CSPG5: variants seen among roughly 807,000 people sequenced by gnomAD.
The protein encoded by CSPG5 is chondroitin sulfate proteoglycan 5.
CSPG5 carries 25 observed loss-of-function variants against 39.8 expected under a neutral mutation model. That is an observed-to-expected ratio of 0.63 (90% confidence interval 0.46 to 0.88). The LOEUF is 0.88. Ranked by LOEUF, CSPG5 falls within the 40% of genes least tolerant of loss-of-function variation. The probability of loss-of-function intolerance (pLI) is 0.00; values close to 1 mark genes in which losing one functional copy is unlikely to be tolerated. For synonymous variants in CSPG5, 295 were observed against 303.9 expected, an observed-to-expected ratio of 0.97 and a Z score of 0.31; for missense variants, 627 against 702.2, an observed-to-expected ratio of 0.89 and a Z score of 1.21.
Position 47,576,904 on chromosome 3 carries a change from G to A in CSPG5, c.1122C>T (p.Cys374=). The change falls in exon 2 of 5, where the codon TGC becomes TGT. Residue 374 remains cysteine (C), a synonymous_variant. Coordinates refer to ENST00000264723, the MANE Select transcript of CSPG5 (RefSeq NM_006574.4). ...TGTGACAGTAACTTGGGAAGAGGTCGCACACTGACCGGCAGGAGCCGTTAT... is the reference window on the plus strand; with the variant it reads ...TGTGACAGTAACTTGGGAAGAGGTCACACACTGACCGGCAGGAGCCGTTAT... ...VRHNGSCRSV[C]DLFPSYCHNG... is the part of the protein sequence containing the mutation. The A allele has an allele frequency of 1.2e-6, 2 of 1,606,828 alleles. No individual in the cohort carries two copies. Among genetic ancestry groups the A allele is most frequent in the South Asian group, 1.1e-5 (1 of 90,070 alleles).
intron 2 of CSPG5, 124 bp downstream of exon 2, chr3:47,576,709 C>T (rs1019049364): frequency 8.8e-7 from 1 of 1,137,938 alleles, no homozygotes. Context: ...ATCCGCCTGC[C>T]TCAGCCTCCC....
Position 47,562,698 on chromosome 3 carries a change from A to C in CSPG5, c.1522T>G (p.Ser508Ala). The change falls in exon 5 of 5, where the codon TCA becomes GCA. Residue 508 changes from serine to alanine, a missense_variant. Ser to Ala is a moderately conservative substitution (Grantham distance 99, BLOSUM62 1). Coordinates refer to ENST00000264723, the MANE Select transcript of CSPG5 (RefSeq NM_006574.4). ...VLKSCLKEEE[S>A]FNIQNSMSPK... is the part of the protein sequence containing the mutation. The stretch of plus-strand genomic sequence containing the variant: ...GACATGGAGTTCTGGATGTTAAATG[A>C]CTCCTCCTCTTTCAGGCAGGACTTG... 1.2e-6 allele frequency: 2 copies of C among 1,612,718 alleles called. No individual in the cohort carries two copies. The highest frequency in any genetic ancestry group is 1.7e-6 in the Non-Finnish European group (2 of 1,179,736).
intron 3 of CSPG5, among the ~76,000 whole-genome samples, chr3:47,570,188 G>A (rs535031395): frequency 5.1e-4 from 77 of 151,942 alleles, no homozygotes; most frequent in Admixed American, 3.8e-3. Context: ...CTATCAACCC[G>A]TCATCTAGGT....
chr3:47,569,228 C>T lies in CSPG5; in HGVS notation c.1383-1G>A. ...GAGCTCAGATGGGGTCCGGAATTTG[C>T]TGGTTAGGAGAGAAGAGTGAAGGAA... On this transcript the variant is annotated splice_acceptor_variant, in intron 3 of 4. Coordinates refer to ENST00000264723, the MANE Select transcript of CSPG5 (RefSeq NM_006574.4). LOFTEE classifies it high-confidence loss of function. 6.2e-7 allele frequency: 1 copy of T among 1,613,294 alleles called. No homozygotes were observed. Among genetic ancestry groups the T allele is most frequent in the Non-Finnish European group, 8.5e-7 (1 of 1,179,548 alleles).
At chr3:47,576,739 C>T (rs1475100864) in intron 2 of CSPG5, 94 bp downstream of exon 2, 14 of 1,389,594 alleles carry the variant, frequency 1.0e-5, no homozygotes, top group African/African-American at 4.3e-5. Context: ...GGATTACAGG[C>T]GTGAGCCAAC....
At chr3:47,567,876 G>A (rs561547096) in intron 4 of CSPG5, among the ~76,000 whole-genome samples, 40 of 152,334 alleles carry the variant, frequency 2.6e-4, no homozygotes, top group African/African-American at 8.9e-4. Context: ...GCCAGGTGTG[G>A]TGGCACATGC....
chr3:47,567,164 G>A, intron 4 of CSPG5, among the ~76,000 whole-genome samples: 1 of 152,124 alleles, frequency 6.6e-6, no homozygotes, highest in Admixed American at 6.6e-5. Context: ...CTTTCCTAAG[G>A]ATGCTTGCAC....
At position 47,577,125 on chromosome 3, in the gene CSPG5, G is replaced by A. The variant is rs1433455666; in HGVS notation, c.901C>T (p.Leu301=). 2 of 1,613,880 alleles carry A rather than the reference G, an allele frequency of 1.2e-6. No individual in the cohort carries two copies. Among genetic ancestry groups the A allele is most frequent in the Non-Finnish European group, 1.7e-6 (2 of 1,180,022 alleles). Residue 301 remains leucine, a synonymous_variant, in exon 2 of 5, where the codon CTA becomes TTA. Coordinates refer to ENST00000264723, the MANE Select transcript of CSPG5 (RefSeq NM_006574.4). The surrounding 1 kb of genome is among the most constrained non-coding windows in gnomAD (Gnocchi z 4.7). ...AGACCAGGCTTCCCAGTGGGCACTA[G>A]AAGCTCATTTTCATCTTCTAGGTCT... The part of the protein sequence containing the change: ...GGDLEDENEL[L]VPTGKPGLGP...
At position 47,569,243 on chromosome 3, in the gene CSPG5, G is replaced by A. The variant is rs754111799; in HGVS notation, c.1383-16C>T. The A allele has an allele frequency of 6.2e-7, 1 of 1,611,668 alleles. No homozygotes were observed. The highest frequency in any genetic ancestry group is 1.7e-5 in the Admixed American group (1 of 59,934). On this transcript the variant is annotated splice_polypyrimidine_tract_variant and intron_variant, in intron 3 of 4. Transcript: ENST00000264723. ...CCGGAATTTGCTGGTTAGGAGAGAA[G>A]AGTGAAGGAAACATGTAAGTGAAAT...
At chr3:47,570,586 C>G (rs904611207) in intron 3 of CSPG5, among the ~76,000 whole-genome samples, 1 of 151,846 alleles carries the variant, frequency 6.6e-6, no homozygotes, top group South Asian at 2.1e-4. Flanking sequence ...CTCGGCTCAC[C>G]GCAACCTCCA....
At chr3:47,574,719 C>A (rs2031642952) in intron 2 of CSPG5, among the ~76,000 whole-genome samples, 1 of 152,102 alleles carries the variant, frequency 6.6e-6, no homozygotes, top group Admixed American at 6.6e-5. Context: ...GAGGGCAGAT[C>A]ATGAGGTCAG....
At position 47,578,033 on chromosome 3, in the gene CSPG5, C is replaced by T. The variant is rs1326194425; in HGVS notation, c.98-105G>A. On this transcript the variant is annotated intron_variant, in intron 1 of 4. Coordinates refer to ENST00000264723, the MANE Select transcript of CSPG5 (RefSeq NM_006574.4). The surrounding 1 kb of genome is among the most constrained non-coding windows in gnomAD (Gnocchi z 6.0). ...CCCGCTCGCCTAGACCTGGTCAACC[C>T]AGACCTCGCCACCCTCAGACCCCAC... The T allele has an allele frequency of 1.5e-6, 2 of 1,326,292 alleles. No individual in the cohort carries two copies. The highest frequency in any genetic ancestry group is 1.9e-6 in the Non-Finnish European group (2 of 1,044,072). 82.2% of individuals were successfully genotyped at this position (1,326,292 alleles called of 1,614,324 possible). A position where few individuals can be genotyped will look rare whatever the true frequency, so the allele number is the denominator to read the frequency against.
In CSPG5 at chr3:47,578,658, C is replaced by T. The variant is rs1289653196; in HGVS notation, c.36G>A (p.Gly12=). The change falls in exon 1 of 5, where the codon GGG becomes GGA. Residue 12 remains glycine (G), a synonymous_variant. Transcript: ENST00000264723. This position sits in a 1 kb window ranked among gnomAD's most constrained non-coding sequence, Gnocchi z 6.0. ...CCAGAAACAGCAGCAGTGGCGGCGG[C>T]CCCCGGCCCGGGCCCCCGCCCCCGG... ...GRAGGGGPGR[G]PPPLLLFLGA... The T allele has an allele frequency of 4.2e-5, 47 of 1,111,968 alleles. No individual in the cohort carries two copies. The highest frequency in any genetic ancestry group is 5.1e-5 in the Non-Finnish European group (46 of 907,038). 68.9% of individuals were successfully genotyped at this position (1,111,968 alleles called of 1,614,324 possible).
At position 47,578,376 on chromosome 3, in the gene CSPG5, C is replaced by T. The variant is rs1361598970; in HGVS notation, c.97+221G>A. Among the ~76,000 whole-genome samples, 2 of 148,512 alleles carry T rather than the reference C, an allele frequency of 1.3e-5. No homozygotes were observed. The highest frequency in any genetic ancestry group is 2.0e-4 in the East Asian group (1 of 4,908). On this transcript the variant is annotated intron_variant, in intron 1 of 4. Transcript: ENST00000264723. The surrounding 1 kb of genome is among the most constrained non-coding windows in gnomAD (Gnocchi z 6.0). ...CCCCCAGTCCGCACCGCGGCCCGCGCGCTTGGGTCCCGGCTACCCCAACCG... is the reference window on the plus strand; with the variant it reads ...CCCCCAGTCCGCACCGCGGCCCGCGTGCTTGGGTCCCGGCTACCCCAACCG...
chr3:47,574,607 C>T (rs142150225), intron 2 of CSPG5, among the ~76,000 whole-genome samples: 4 of 152,316 alleles, frequency 2.6e-5, no homozygotes, highest in African/African-American at 9.6e-5. Flanking sequence ...ACTGTGTGGT[C>T]ACATCCTATG....
At position 47,577,469 on chromosome 3, in the gene CSPG5, G is replaced by A. The variant is rs1193443921; in HGVS notation, c.557C>T (p.Pro186Leu). Residue 186 changes from proline (P) to leucine (L), a missense_variant, in exon 2 of 5, where the codon CCT becomes CTT. Pro to Leu is a moderately conservative substitution (Grantham distance 98, BLOSUM62 -3). Transcript: ENST00000264723. This position sits in a 1 kb window ranked among gnomAD's most constrained non-coding sequence, Gnocchi z 4.7. ...TGGGTAAGTCAGCTCTGGCCCTTGA[G>A]GGTCGGGTGTGCTGCCCCCCAGGTT... ...WLNLGGSTPD[P>L]QGPELTYPFQ... 6.2e-7 allele frequency: 1 copy of A among 1,613,918 alleles called. No homozygotes were observed. The highest frequency in any genetic ancestry group is 8.5e-7 in the Non-Finnish European group (1 of 1,180,010).
In CSPG5 at chr3:47,577,918, C is replaced by T. The variant is rs565546480; in HGVS notation, c.108G>A (p.Ala36=). ...LASGAVPARE[A]GSAVEAEELV... ...GCTCTTCGGCCTCAACCGCGCTGCC[C>T]GCCTCACGCGCTGCGGGCGGGAGGG... The change falls in exon 2 of 5, where the codon GCG becomes GCA. Residue 36 remains alanine, a synonymous_variant. Coordinates refer to ENST00000264723, the MANE Select transcript of CSPG5 (RefSeq NM_006574.4). The surrounding 1 kb of genome is among the most constrained non-coding windows in gnomAD (Gnocchi z 4.7). 7 of 1,439,118 alleles carry T rather than the reference C, an allele frequency of 4.9e-6. No homozygotes were observed. In the African/African-American group the frequency reaches 7.5e-5, roughly 15 times the overall value. 89.1% of individuals were successfully genotyped at this position (1,439,118 alleles called of 1,614,324 possible).
chr3:47,572,667 G>T lies in CSPG5; in HGVS notation c.1382+19C>A, dbSNP rs1404837883. The T allele has an allele frequency of 6.2e-7, 1 of 1,606,154 alleles. No individual in the cohort carries two copies. The highest frequency in any genetic ancestry group is 8.5e-7 in the Non-Finnish European group (1 of 1,173,594). On this transcript the variant is annotated intron_variant, in intron 3 of 4. Transcript: ENST00000264723. This position sits in a 1 kb window ranked among gnomAD's most constrained non-coding sequence, Gnocchi z 4.5. ...CCCACACCCTGACCTGGGTGGATGGGTGAGTGACACAGACTCACTTGGTCC... is the reference window on the plus strand; with the variant it reads ...CCCACACCCTGACCTGGGTGGATGGTTGAGTGACACAGACTCACTTGGTCC...
chr3:47,573,746 G>T (rs1214295590), intron 2 of CSPG5, among the ~76,000 whole-genome samples: 1 of 152,204 alleles, frequency 6.6e-6, no homozygotes, highest in African/African-American at 2.4e-5. Flanking sequence ...GGGAAATTAT[G>T]CACCAGAAAA....
Sources: allele counts gnomAD v4.1 joint callset (sites outside exome capture counted in the v4.1 genomes callset), GRCh38; gene constraint gnomAD v4.1.1; non-coding constraint Gnocchi (gnomAD v3.1); transcripts MANE v1.5; gene names NCBI Gene and HGNC (gene_info 2026-07-23, HGNC 2026-07-21).